FBXO42: variants seen among roughly 807,000 people sequenced by gnomAD.
FBXO42 encodes the protein F-box only protein 42.
A neutral mutation model predicts 71.7 loss-of-function variants in FBXO42; 12 were observed. The observed-to-expected ratio is 0.17, with a 90% confidence interval of 0.11 to 0.27. FBXO42 has a LOEUF of 0.27. FBXO42 is among the 10% of genes least tolerant of loss of function. The pLI, the probability that FBXO42 is intolerant of heterozygous loss-of-function variation, is 1.00. For synonymous variants in FBXO42, 325 were observed against 327.5 expected, an observed-to-expected ratio of 0.99 and a Z score of 0.08; for missense variants, 707 against 911.9, an observed-to-expected ratio of 0.78 and a Z score of 2.89.
At chr1:16,296,274 TAAGTAA>T (rs2082128195) in intron 3 of FBXO42, among the ~76,000 whole-genome samples, 2 of 152,024 alleles carry the variant, frequency 1.3e-5, no homozygotes, top group Admixed American at 6.6e-5. Context: ...AAAATAAAAT[TAAGTAA>T]ACAAAAAAGA....
chr1:16,339,637 T>C (rs945231631), intron 1 of FBXO42, among the ~76,000 whole-genome samples: 2 of 152,054 alleles, frequency 1.3e-5, no homozygotes, highest in Admixed American at 6.6e-5. Flanking sequence ...GTAAATTTTC[T>C]CAATAACCAG....
chr1:16,311,715 A>G (rs554962251), intron 2 of FBXO42, among the ~76,000 whole-genome samples: 218 of 152,014 alleles, frequency 1.4e-3, no homozygotes, highest in African/African-American at 5.1e-3. Context: ...CTACTACTAC[A>G]AATGCTGGTG....
chr1:16,249,585 G>A lies in FBXO42; in HGVS notation c.*1085C>T, dbSNP rs1006324484. ...CTTTGGAAGTAAAAAGAAGCCCATA[G>A]GGAAAAAACAGTATCTTTTGATGCT... is the stretch of plus-strand genomic sequence containing the variant. On this transcript the variant is annotated 3_prime_UTR_variant, in exon 10 of 10. Coordinates refer to ENST00000375592, the MANE Select transcript of FBXO42 (RefSeq NM_018994.3). 9.2e-5 allele frequency: 14 copies of A among 152,232 alleles called. No individual in the cohort carries two copies. The South Asian group carries it at 1.7e-3, about 18-fold the overall frequency. 9.4% of individuals were successfully genotyped at this position (152,232 alleles called of 1,614,324 possible). A position where few individuals can be genotyped will look rare whatever the true frequency, so the allele number is the denominator to read the frequency against.
At chr1:16,302,746 G>C (rs1247165597) in intron 3 of FBXO42, among the ~76,000 whole-genome samples, 1 of 152,212 alleles carries the variant, frequency 6.6e-6, no homozygotes, top group Admixed American at 6.5e-5. Context: ...CTGACCTCAA[G>C]TGATCCGCCC....
chr1:16,324,776 A>G (rs1466676816), intron 1 of FBXO42, among the ~76,000 whole-genome samples: 2 of 152,040 alleles, frequency 1.3e-5, no homozygotes, highest in African/African-American at 4.8e-5. Context: ...AGATCGCGCA[A>G]CTACACTCTA....
intron 4 of FBXO42, among the ~76,000 whole-genome samples, chr1:16,291,284 T>C (rs1188346392): frequency 6.6e-6 from 1 of 152,224 alleles, no homozygotes; most frequent in Admixed American, 6.5e-5. Context: ...AGGAAGTGAT[T>C]TTGATTAGGA....
At chr1:16,253,852 G>C (rs2081614769) in intron 6 of FBXO42, 121 bp from the exon 7 acceptor site, 1 of 811,482 alleles carries the variant, frequency 1.2e-6, no homozygotes, top group African/African-American at 1.7e-5. Context: ...CACTTTCACA[G>C]ACTGTGTGGG....
At chr1:16,271,246 CGTGTGT>C (rs1417301371) in intron 4 of FBXO42, among the ~76,000 whole-genome samples, 1 of 131,644 alleles carries the variant, frequency 7.6e-6, no homozygotes, top group East Asian at 2.4e-4. Flanking sequence ...CTACTGTGTG[CGTGTGT>C]GTGTTGGTGT....
intron 1 of FBXO42, among the ~76,000 whole-genome samples, chr1:16,340,997 A>G (rs1381627155): frequency 6.6e-6 from 1 of 152,158 alleles, no homozygotes; most frequent in Non-Finnish European, 1.5e-5. Flanking sequence ...ACTAATGTCC[A>G]TCAAAAACAG....
intron 3 of FBXO42, among the ~76,000 whole-genome samples, chr1:16,302,969 A>C (rs1269208194): frequency 6.6e-6 from 1 of 152,216 alleles, no homozygotes; most frequent in Non-Finnish European, 1.5e-5. Flanking sequence ...GGGTGGGGAC[A>C]CAGAGCCAAA....
intron 4 of FBXO42, among the ~76,000 whole-genome samples, 184 bp from the exon 5 acceptor site, chr1:16,256,943 G>A (rs1399988993): frequency 6.6e-6 from 1 of 152,136 alleles, no homozygotes; most frequent in Non-Finnish European, 1.5e-5. Flanking sequence ...TAATTCACAC[G>A]TCTTTTATTA....
chr1:16,351,854 C>T (rs2082705362), intron 1 of FBXO42, among the ~76,000 whole-genome samples: 1 of 152,196 alleles, frequency 6.6e-6, no homozygotes, highest in South Asian at 2.1e-4. Flanking sequence ...TAGCCCCCAG[C>T]CGCAGCCCCA....
At position 16,352,291 on chromosome 1, in the gene FBXO42, G is replaced by A. The variant is rs2082709654; in HGVS notation, c.-54C>T. ...CGCTCCACGCTCTCGGGTTCGCTCC[G>A]CTGGCGACGGTAATGAGGGAGCCAG... On this transcript the variant is annotated 5_prime_UTR_variant, in exon 1 of 10. Coordinates refer to ENST00000375592, the MANE Select transcript of FBXO42 (RefSeq NM_018994.3). 16 of 396,726 alleles carry A rather than the reference G, an allele frequency of 4.0e-5. No individual in the cohort carries two copies. In the East Asian group the frequency reaches 5.4e-4, roughly 13 times the overall value. The allele number at this position is 396,726 out of a possible 1,614,324, so 24.6% of individuals were successfully genotyped here.
chr1:16,352,370 G>A lies in FBXO42; in HGVS notation c.-133C>T, dbSNP rs1297935884. ...CTCAGGCCGCGACAGCCGTGCTCGG[G>A]GCTCCTCACAGCTGGCGGGACCCCG... On this transcript the variant is annotated 5_prime_UTR_variant, in exon 1 of 10. Coordinates refer to ENST00000375592, the MANE Select transcript of FBXO42 (RefSeq NM_018994.3). 3 of 398,348 alleles carry A rather than the reference G, an allele frequency of 7.5e-6. No individual in the cohort carries two copies. The highest frequency in any genetic ancestry group is 4.4e-5 in the Admixed American group (1 of 22,700). 24.7% of individuals were successfully genotyped at this position (398,348 alleles called of 1,614,324 possible). A position where few individuals can be genotyped will look rare whatever the true frequency, so the allele number is the denominator to read the frequency against.
chr1:16,270,758 A>G (rs2081834216), intron 4 of FBXO42, among the ~76,000 whole-genome samples: 4 of 142,938 alleles, frequency 2.8e-5, no homozygotes, highest in African/African-American at 8.4e-5. Flanking sequence ...AGATACACAC[A>G]CACACACACA....
At chr1:16,298,306 T>C (rs2082154077) in intron 3 of FBXO42, among the ~76,000 whole-genome samples, 1 of 152,054 alleles carries the variant, frequency 6.6e-6, no homozygotes, top group Non-Finnish European at 1.5e-5. Flanking sequence ...AAAAGGACAA[T>C]TACTGGAGCC....
chr1:16,328,721 GTTCT>G (rs1028312132), intron 1 of FBXO42, among the ~76,000 whole-genome samples: 6 of 152,102 alleles, frequency 3.9e-5, no homozygotes, highest in African/African-American at 7.2e-5. Context: ...GCACCCAGAA[GTTCT>G]TTCTAATACC....
At chr1:16,282,471 C>T (rs923583292) in intron 4 of FBXO42, among the ~76,000 whole-genome samples, 9 of 150,810 alleles carry the variant, frequency 6.0e-5, no homozygotes, top group Non-Finnish European at 1.2e-4. Context: ...GGTGATCCAC[C>T]CGCCTCGGCC....
At chr1:16,335,867 G>A (rs1350600327) in intron 1 of FBXO42, among the ~76,000 whole-genome samples, 5 of 118,904 alleles carry the variant, frequency 4.2e-5, no homozygotes, top group African/African-American at 1.4e-4. Flanking sequence ...ACTCCATCGC[G>A]CCAAAAAAAA....
Sources: allele counts gnomAD v4.1 joint callset (sites outside exome capture counted in the v4.1 genomes callset), GRCh38; gene constraint gnomAD v4.1.1; transcripts MANE v1.5; gene names NCBI Gene and HGNC (gene_info 2026-07-23, HGNC 2026-07-21).